Variants in PCYT1A observed in about 807,000 individuals in gnomAD.
The protein encoded by PCYT1A is phosphate cytidylyltransferase 1A, choline.
In PCYT1A, 25 loss-of-function variants were observed where a neutral mutation model predicts 43.7. The observed-to-expected ratio is 0.57, with a 90% CI of 0.42 to 0.80. The LOEUF (loss-of-function observed/expected upper bound fraction) is 0.80, where lower values mean the gene tolerates loss of function less well. PCYT1A is among the 30% of genes least tolerant of loss of function. The pLI, the probability that PCYT1A is intolerant of heterozygous loss-of-function variation, is 0.00. For missense variants in PCYT1A, 421 were observed against 474.2 expected (o/e 0.89, Z 1.04); for synonymous variants, 172 against 170.7 (o/e 1.01, Z -0.06).
rs145902592 is a variant in PCYT1A, at chr3:196,272,555, G to C, written c.-10-2014C>G. 1.4e-4 allele frequency among the ~76,000 whole-genome samples: 22 copies of C among 152,234 alleles called. No homozygotes were observed. In the East Asian group the frequency reaches 4.2e-3, roughly 29 times the overall value. On this transcript the variant is annotated intron_variant, in intron 1 of 8. Coordinates refer to ENST00000431016, the MANE Select transcript of PCYT1A (RefSeq NM_001312673.2). ...GCTGGTCTTGAACTCCTGACCTCAG[G>C]TGATCCACCCACCTCGACCTCCCAA... is the stretch of plus-strand genomic sequence containing the variant.
In PCYT1A at chr3:196,241,940, G is replaced by C. The variant is rs1436567697; in HGVS notation, c.708+8C>G. The C allele has an allele frequency of 1.9e-6, 3 of 1,614,156 alleles. No individual in the cohort carries two copies. Among genetic ancestry groups the C allele is most frequent in the Admixed American group, 1.7e-5 (1 of 60,022 alleles). On this transcript the variant is annotated splice_region_variant and intron_variant, in intron 7 of 8. Transcript: ENST00000431016. ...GTCAGGGAACTCTGGGGTAAGGCTG[G>C]AACTCACGTTGATAAAGCTGACATT...
chr3:196,279,851 T>C (rs927523094), intron 1 of PCYT1A, among the ~76,000 whole-genome samples: 1 of 92,874 alleles, frequency 1.1e-5, no homozygotes, highest in African/African-American at 4.4e-5. Flanking sequence ...TTTTTTTTTT[T>C]GAGACAGAGT....
intron 3 of PCYT1A, among the ~76,000 whole-genome samples, chr3:196,249,779 G>T (rs1165077445): frequency 1.3e-5 from 2 of 152,202 alleles, no homozygotes; most frequent in African/African-American, 4.8e-5. Flanking sequence ...TGCTGAGGTT[G>T]AGGATCAGAT....
chr3:196,272,478 C>T (rs999491431), intron 1 of PCYT1A, among the ~76,000 whole-genome samples: 2 of 152,150 alleles, frequency 1.3e-5, no homozygotes, highest in Non-Finnish European at 2.9e-5. Context: ...GCCATGGCGC[C>T]TAGCCAATTT....
intron 1 of PCYT1A, among the ~76,000 whole-genome samples, chr3:196,274,391 T>C (rs980536356): frequency 6.6e-6 from 1 of 152,222 alleles, no homozygotes; most frequent in African/African-American, 2.4e-5. Context: ...CAGCAGCCCA[T>C]CCAGACAGGC....
At position 196,270,538 on chromosome 3, in the gene PCYT1A, T is replaced by G. The variant is rs775982279; in HGVS notation, c.-7A>C. 1 of 1,604,406 alleles carries G rather than the reference T, an allele frequency of 6.2e-7. No homozygotes were observed. Among genetic ancestry groups the G allele is most frequent in the Admixed American group, 1.7e-5 (1 of 59,996 alleles). On this transcript the variant is annotated 5_prime_UTR_variant, in exon 2 of 9. Coordinates refer to ENST00000431016, the MANE Select transcript of PCYT1A (RefSeq NM_001312673.2). ...CTGAACACTGTGCATCCATCTTCTT[T>G]TAACTGGTCATAGAAAGTGAAAACA...
At chr3:196,240,731 A>T (rs1724323312) in intron 7 of PCYT1A, 1 of 152,180 alleles carries the variant, frequency 6.6e-6, no homozygotes, top group Non-Finnish European at 1.5e-5. Context: ...TTTCCAGATC[A>T]TAAAGAGAAA....
intron 1 of PCYT1A, among the ~76,000 whole-genome samples, chr3:196,274,773 A>G (rs1206001732): frequency 6.6e-6 from 1 of 152,240 alleles, no homozygotes; most frequent in African/African-American, 2.4e-5. Context: ...AAACTGGCCT[A>G]ATTCTTAGAA....
intron 1 of PCYT1A, among the ~76,000 whole-genome samples, chr3:196,278,473 G>A (rs1476154897): frequency 3.3e-5 from 5 of 152,298 alleles, no homozygotes; most frequent in African/African-American, 1.2e-4. Flanking sequence ...CAATGGGACT[G>A]GGAAATGATC....
chr3:196,267,021 T>A (rs1024644309), intron 2 of PCYT1A, among the ~76,000 whole-genome samples: 14 of 150,270 alleles, frequency 9.3e-5, no homozygotes, highest in African/African-American at 3.4e-4. Flanking sequence ...AAATAAAAAT[T>A]AAAAAAAATC....
rs1553828009 is a variant in PCYT1A, at chr3:196,238,444, T to TC, written c.*243_*244insG. On this transcript the variant is annotated 3_prime_UTR_variant, in exon 9 of 9. Coordinates refer to ENST00000431016, the MANE Select transcript of PCYT1A (RefSeq NM_001312673.2). ...AACATAAACAGTGAAACAAAGCCCT[T>TC]GGGGGGGGGTAAATGGATGCAGAGC... The TC allele has an allele frequency of 3.1e-6, 1 of 319,474 alleles. No homozygotes were observed. Among genetic ancestry groups the TC allele is most frequent in the Non-Finnish European group, 5.7e-6 (1 of 175,768 alleles). The allele number at this position is 319,474 out of a possible 1,614,324, so 19.8% of individuals were successfully genotyped here.
intron 2 of PCYT1A, among the ~76,000 whole-genome samples, chr3:196,264,707 G>T (rs1725215857): frequency 6.6e-6 from 1 of 151,760 alleles, no homozygotes; most frequent in Admixed American, 6.6e-5. Context: ...CTAATACCTG[G>T]TATCCTTCCT....
At chr3:196,265,705 T>G (rs1725246155) in intron 2 of PCYT1A, among the ~76,000 whole-genome samples, 1 of 151,788 alleles carries the variant, frequency 6.6e-6, no homozygotes, top group African/African-American at 2.4e-5. Flanking sequence ...GGCGGATAGC[T>G]TGAGCCCAGG....
chr3:196,277,431 T>G lies in PCYT1A; in HGVS notation c.-10-6890A>C, dbSNP rs1725623063. ...ACACCCACTGCTTTTTGGGTTTTAG[T>G]GTAAGACACTTCTTTATCTCATCCA... On this transcript the variant is annotated intron_variant, in intron 1 of 8. Transcript: ENST00000431016. This position sits in a 1 kb window ranked among gnomAD's most constrained non-coding sequence, Gnocchi z 4.1. 2.0e-5 allele frequency among the ~76,000 whole-genome samples: 3 copies of G among 152,208 alleles called. No individual in the cohort carries two copies. The highest frequency in any genetic ancestry group is 1.3e-4 in the Admixed American group (2 of 15,280).
chr3:196,238,544 C>T lies in PCYT1A; in HGVS notation c.*144G>A. On this transcript the variant is annotated 3_prime_UTR_variant, in exon 9 of 9. Coordinates refer to ENST00000431016, the MANE Select transcript of PCYT1A (RefSeq NM_001312673.2). ...TTGCAGGACAGGCTGTTTGGGTTCC[C>T]CCAGTCCTAGGTCTTCTTTCCCCAG... 1 of 566,154 alleles carries T rather than the reference C, an allele frequency of 1.8e-6. No homozygotes were observed. Among genetic ancestry groups the T allele is most frequent in the Admixed American group, 3.7e-5 (1 of 27,106 alleles). The allele number at this position is 566,154 out of a possible 1,614,324, so 35.1% of individuals were successfully genotyped here.
intron 3 of PCYT1A, among the ~76,000 whole-genome samples, chr3:196,250,305 T>C (rs1006882259): frequency 3.3e-5 from 5 of 151,156 alleles, no homozygotes; most frequent in Non-Finnish European, 4.4e-5. Context: ...TACACTATGC[T>C]GAGGCTGAGG....
intron 5 of PCYT1A, among the ~76,000 whole-genome samples, chr3:196,244,321 G>C (rs1338742193): frequency 6.7e-6 from 1 of 149,594 alleles, no homozygotes; most frequent in Non-Finnish European, 1.5e-5. Flanking sequence ...GGGAAGTGAG[G>C]AGCGCCTCCT....
At chr3:196,243,850 G>A (rs200306495) in intron 5 of PCYT1A, among the ~76,000 whole-genome samples, 1 of 152,290 alleles carries the variant, frequency 6.6e-6, no homozygotes, top group African/African-American at 2.4e-5. Flanking sequence ...ATGCTGCCCA[G>A]GCTGGAGTGC....
intron 1 of PCYT1A, among the ~76,000 whole-genome samples, chr3:196,281,889 C>T (rs1725781600): frequency 6.6e-6 from 1 of 152,160 alleles, no homozygotes; most frequent in Non-Finnish European, 1.5e-5. Flanking sequence ...GGGGGTCTCA[C>T]TTTGCTGCCC....
Sources: gnomAD v4.1 joint callset for allele counts (sites outside exome capture counted in the v4.1 genomes callset) on GRCh38, gnomAD v4.1.1 for gene constraint, Gnocchi (gnomAD v3.1) non-coding constraint, MANE v1.5 for transcripts, NCBI Gene and HGNC (gene_info 2026-07-23, HGNC 2026-07-21) for gene names.